MACROD2: variants seen among roughly 807,000 people sequenced by gnomAD.
MACROD2 encodes mono-ADP ribosylhydrolase 2.
MACROD2 carries 36 observed loss-of-function variants against 70.4 expected under a neutral mutation model. The ratio of observed to expected loss-of-function variants is 0.51; its 90% CI spans 0.39 to 0.68. The LOEUF (loss-of-function observed/expected upper bound fraction) is 0.68. Among genes scored for constraint, MACROD2 ranks in the 30% least tolerant of loss-of-function variants. MACROD2 has a pLI of 0.00. For missense variants in MACROD2, 496 were observed against 538.4 expected, an observed-to-expected ratio of 0.92 and a Z score of 0.78; for synonymous variants, 172 against 178.8, an observed-to-expected ratio of 0.96 and a Z score of 0.30.
At chr20:15,672,414 CATTT>C (rs879609523) in intron 8 of MACROD2, among the ~76,000 whole-genome samples, 1 of 151,414 alleles carries the variant, frequency 6.6e-6, no homozygotes, top group Non-Finnish European at 1.5e-5. Context: ...CTCATTCATT[CATTT>C]GATAGGAAGT....
intron 5 of MACROD2, among the ~76,000 whole-genome samples, chr20:15,049,487 T>C (rs2075422195): frequency 6.6e-6 from 1 of 152,204 alleles, no homozygotes; most frequent in Non-Finnish European, 1.5e-5. Context: ...AATATATGTA[T>C]GATTTTGATT....
At chr20:15,782,151 G>A (rs188271360) in intron 8 of MACROD2, among the ~76,000 whole-genome samples, 133 of 152,090 alleles carry the variant, frequency 8.7e-4, no homozygotes, top group African/African-American at 2.9e-3. Context: ...ACAGAGCAAC[G>A]GTGTTAGAGA....
At chr20:14,289,627 G>A (rs190013334) in intron 3 of MACROD2, among the ~76,000 whole-genome samples, 1 of 152,170 alleles carries the variant, frequency 6.6e-6, no homozygotes, top group Non-Finnish European at 1.5e-5. Flanking sequence ...CTGCAGCCTT[G>A]TTCTCCTGGG....
At chr20:15,044,944 A>T (rs1039404607) in intron 5 of MACROD2, among the ~76,000 whole-genome samples, 1 of 152,196 alleles carries the variant, frequency 6.6e-6, no homozygotes, top group Non-Finnish European at 1.5e-5. Flanking sequence ...AATACATTCA[A>T]TGTTAAAATG....
At chr20:14,321,240 C>T (rs2082657152) in intron 3 of MACROD2, among the ~76,000 whole-genome samples, 1 of 152,036 alleles carries the variant, frequency 6.6e-6, no homozygotes, top group Non-Finnish European at 1.5e-5. Flanking sequence ...TGACGCAAGT[C>T]TGTAATCCCA....
chr20:14,274,470 A>G (rs2082230783), intron 3 of MACROD2, among the ~76,000 whole-genome samples: 1 of 152,220 alleles, frequency 6.6e-6, no homozygotes, highest in African/African-American at 2.4e-5. Context: ...AACTCTCAAT[A>G]AATTAGGTAT....
chr20:14,947,415 C>T (rs1019983952), intron 5 of MACROD2, among the ~76,000 whole-genome samples: 3 of 152,126 alleles, frequency 2.0e-5, no homozygotes, highest in Admixed American at 1.3e-4. Flanking sequence ...CTTCCATACA[C>T]GGGGGCACCA....
chr20:15,031,221 A>G (rs2075271774), intron 5 of MACROD2, among the ~76,000 whole-genome samples: 2 of 152,216 alleles, frequency 1.3e-5, no homozygotes, highest in Non-Finnish European at 2.9e-5. Flanking sequence ...TGGAGACGTC[A>G]GGAACCTCAG....
intron 5 of MACROD2, among the ~76,000 whole-genome samples, chr20:14,751,091 A>G (rs2071863794): frequency 6.6e-6 from 1 of 152,116 alleles, no homozygotes. Context: ...ACTGAACTTT[A>G]CTTGTTTCAT....
chr20:14,459,506 A>G (rs1284180963), intron 3 of MACROD2, among the ~76,000 whole-genome samples: 24 of 151,974 alleles, frequency 1.6e-4, no homozygotes, highest in Admixed American at 1.6e-3. Context: ...AAACAGATTT[A>G]TATATGTGTG....
chr20:15,230,052 C>A lies in MACROD2; in HGVS notation c.531C>A (p.Ile177=). The change falls in exon 6 of 18, where the codon ATC becomes ATA. Residue 177 remains isoleucine (I), a synonymous_variant. Coordinates refer to ENST00000684519, the MANE Select transcript of MACROD2 (RefSeq NM_001351661.2). ...TGAAGCTCGTGAAAGAAAATAACAT[C>A]CGATCAGTTGTAAGTAATTTTATGT... ...SSLKLVKENN[I]RSVAFPCIST... is the part of the protein sequence containing the mutation. 1 of 1,613,058 alleles carries A rather than the reference C, an allele frequency of 6.2e-7. No individual in the cohort carries two copies. Among genetic ancestry groups the A allele is most frequent in the Non-Finnish European group, 8.5e-7 (1 of 1,179,426 alleles).
intron 8 of MACROD2, among the ~76,000 whole-genome samples, chr20:15,549,802 A>G (rs1445782353): frequency 6.6e-6 from 1 of 152,090 alleles, no homozygotes; most frequent in African/African-American, 2.4e-5. Context: ...GTCAGGGAAC[A>G]TGTTAACTCA....
intron 5 of MACROD2, among the ~76,000 whole-genome samples, chr20:14,974,297 C>T (rs11905679): frequency 0.12 from 18,061 of 152,008 alleles, 1,335 homozygotes; most frequent in East Asian, 0.32. Context: ...TGGAGGGCAC[C>T]GATGTTCAAA....
chr20:15,892,513 C>T (rs1275326725), intron 10 of MACROD2, among the ~76,000 whole-genome samples: 1 of 152,224 alleles, frequency 6.6e-6, no homozygotes, highest in Admixed American at 6.5e-5. Flanking sequence ...ATTCCTTTCT[C>T]CATTCCTCTA....
chr20:15,475,553 T>C (rs2047011713), intron 7 of MACROD2, among the ~76,000 whole-genome samples: 1 of 152,308 alleles, frequency 6.6e-6, no homozygotes, highest in East Asian at 1.9e-4. Flanking sequence ...TTTGTCAGCA[T>C]TTACAGCCAT....
At chr20:14,176,253 A>G (rs748488676) in intron 3 of MACROD2, among the ~76,000 whole-genome samples, 1 of 152,224 alleles carries the variant, frequency 6.6e-6, no homozygotes, top group African/African-American at 2.4e-5. Context: ...TTCCAAATGT[A>G]GAGCTTCTGC....
chr20:15,540,047 T>G (rs2047934033), intron 8 of MACROD2, among the ~76,000 whole-genome samples: 1 of 152,128 alleles, frequency 6.6e-6, no homozygotes, highest in Non-Finnish European at 1.5e-5. Flanking sequence ...AGCGATAAAG[T>G]GATGACCAAC....
intron 7 of MACROD2, among the ~76,000 whole-genome samples, chr20:15,448,263 C>T (rs1416517984): frequency 6.6e-6 from 1 of 152,050 alleles, no homozygotes; most frequent in Non-Finnish European, 1.5e-5. Context: ...TCAGTCTGTC[C>T]TAGCAGGCAT....
chr20:14,078,059 C>T (rs1367745595), intron 2 of MACROD2, among the ~76,000 whole-genome samples: 5 of 151,876 alleles, frequency 3.3e-5, no homozygotes, highest in East Asian at 1.9e-4. Flanking sequence ...TGTGCCACCA[C>T]GCCTGGCTAA....
Sources: allele counts gnomAD v4.1 joint callset (sites outside exome capture counted in the v4.1 genomes callset), GRCh38; gene constraint gnomAD v4.1.1; transcripts MANE v1.5; gene names NCBI Gene and HGNC (gene_info 2026-07-23, HGNC 2026-07-21).